The following ASTN1 variants were observed in gnomAD, a reference collection of about 807,000 sequenced individuals.
ASTN1 encodes the protein astrotactin-1.
A neutral mutation model predicts 140.7 loss-of-function variants in ASTN1; 41 were observed. That is an observed-to-expected ratio of 0.29 (90% CI 0.23 to 0.38). The LOEUF (loss-of-function observed/expected upper bound fraction) is 0.38. Ranked by LOEUF, ASTN1 falls within the 10% of genes least tolerant of loss-of-function variation. The pLI, the probability that ASTN1 is intolerant of heterozygous loss-of-function variation, is 1.00. For synonymous variants in ASTN1, 640 were observed against 652.2 expected (o/e 0.98, Z 0.29); for missense variants, 1,479 against 1,678.8 (o/e 0.88, Z 2.08).
Position 176,862,021 on chromosome 1 carries a change from C to T in ASTN1, c.*2263G>A. On this transcript the variant is annotated 3_prime_UTR_variant, in exon 23 of 23. Coordinates refer to ENST00000361833, the MANE Select transcript of ASTN1 (RefSeq NM_004319.3). ...ACCCTCCTTTCACTCAAGCTTAAAACACCGTGTTCTGCACAGATATGAATA... is the reference window on the plus strand; with the variant it reads ...ACCCTCCTTTCACTCAAGCTTAAAATACCGTGTTCTGCACAGATATGAATA... 1.0e-6 allele frequency: 1 copy of T among 985,478 alleles called. No individual in the cohort carries two copies. The highest frequency in any genetic ancestry group is 1.2e-6 in the Non-Finnish European group (1 of 829,986). 61.0% of individuals were successfully genotyped at this position (985,478 alleles called of 1,614,324 possible).
At chr1:176,939,367 C>G (rs968872360) in intron 14 of ASTN1, among the ~76,000 whole-genome samples, 3 of 152,130 alleles carry the variant, frequency 2.0e-5, no homozygotes, top group African/African-American at 7.2e-5. Context: ...TAACAGTGTT[C>G]CATATCCATC....
intron 8 of ASTN1, among the ~76,000 whole-genome samples, chr1:177,001,978 TGGTCTGGACA>T (rs1393680524): frequency 6.6e-6 from 1 of 152,220 alleles, no homozygotes; most frequent in Non-Finnish European, 1.5e-5. Flanking sequence ...CTTAGAACTG[TGGTCTGGACA>T]GCCCCATGAG....
chr1:177,065,066 A>T (rs2102041547), intron 1 of ASTN1, among the ~76,000 whole-genome samples: 1 of 152,316 alleles, frequency 6.6e-6, no homozygotes, highest in Middle Eastern at 3.4e-3. Flanking sequence ...CAAATTTGGG[A>T]GGTGATAGTT....
At chr1:177,106,214 A>G (rs754704184) in intron 1 of ASTN1, among the ~76,000 whole-genome samples, 1 of 152,206 alleles carries the variant, frequency 6.6e-6, no homozygotes, top group East Asian at 1.9e-4. Context: ...CTCTGTAAAT[A>G]GTATTTTTAT....
intron 7 of ASTN1, among the ~76,000 whole-genome samples, chr1:177,022,951 A>G (rs1675901284): frequency 6.6e-6 from 1 of 152,326 alleles, no homozygotes; most frequent in East Asian, 1.9e-4. Context: ...AATCATGCAT[A>G]GTAAAGAGAC....
chr1:176,873,289 C>A (rs1224951339), intron 21 of ASTN1, among the ~76,000 whole-genome samples: 2 of 152,158 alleles, frequency 1.3e-5, no homozygotes, highest in East Asian at 3.8e-4. Context: ...AAGGCCATGG[C>A]CTGACCTAGA....
chr1:176,974,935 C>T (rs966288566), intron 8 of ASTN1, among the ~76,000 whole-genome samples: 4 of 152,190 alleles, frequency 2.6e-5, no homozygotes, highest in African/African-American at 9.6e-5. Flanking sequence ...GGGGCACTGT[C>T]ATAGGCCCCA....
chr1:177,025,295 G>A (rs1043053227), intron 5 of ASTN1, among the ~76,000 whole-genome samples: 1 of 152,170 alleles, frequency 6.6e-6, no homozygotes, highest in African/African-American at 2.4e-5. Context: ...TGTATGAGCA[G>A]ACAACATTGT....
intron 1 of ASTN1, among the ~76,000 whole-genome samples, chr1:177,104,592 T>C (rs1183612573): frequency 1.3e-5 from 2 of 152,228 alleles, no homozygotes; most frequent in African/African-American, 4.8e-5. Flanking sequence ...CATCAATAAA[T>C]AATTTCAATA....
intron 2 of ASTN1, among the ~76,000 whole-genome samples, chr1:177,042,823 T>C (rs1677040997): frequency 6.6e-6 from 1 of 152,218 alleles, no homozygotes; most frequent in Non-Finnish European, 1.5e-5. Context: ...TGGGCTCTAA[T>C]CACTCAACTT....
chr1:176,997,256 T>C (rs1558019656), intron 8 of ASTN1, among the ~76,000 whole-genome samples: 1 of 152,176 alleles, frequency 6.6e-6, no homozygotes, highest in African/African-American at 2.4e-5. Flanking sequence ...TGATCCCTAG[T>C]TCACAGGGGA....
intron 2 of ASTN1, among the ~76,000 whole-genome samples, chr1:177,055,292 TGA>T (rs1305676684): frequency 1.3e-5 from 2 of 152,192 alleles, no homozygotes; most frequent in African/African-American, 4.8e-5. Context: ...ACCCAAATGG[TGA>T]ATGAATTCAT....
chr1:176,957,758 C>T lies in ASTN1; in HGVS notation c.1807G>A (p.Asp603Asn), dbSNP rs775782427. 7 of 1,614,092 alleles carry T rather than the reference C, an allele frequency of 4.3e-6. No individual in the cohort carries two copies. Among genetic ancestry groups the T allele is most frequent in the African/African-American group, 2.7e-5 (2 of 75,038 alleles). ...CAGCCCCCGTTATCTTTGCTGCAGT[C>T]GCGCACCGGCCCAAAGGAATCTAAG... ...VLLDSFGPVR[D>N]CSKDNGGCSK... The change falls in exon 11 of 23, where the codon GAC (aspartate) becomes AAC (asparagine). Residue 603 changes from aspartate to asparagine, a missense_variant. Transcript: ENST00000361833.
intron 1 of ASTN1, among the ~76,000 whole-genome samples, chr1:177,090,011 C>A (rs1679667763): frequency 6.6e-6 from 1 of 152,042 alleles, no homozygotes; most frequent in Admixed American, 6.6e-5. Flanking sequence ...ATGTAAAACA[C>A]ACACACAACA....
chr1:177,056,329 A>G (rs1677801535), intron 2 of ASTN1, among the ~76,000 whole-genome samples: 1 of 152,100 alleles, frequency 6.6e-6, no homozygotes, highest in Non-Finnish European at 1.5e-5. Context: ...TTCTCCCAGG[A>G]GTGAACTCTG....
intron 8 of ASTN1, among the ~76,000 whole-genome samples, chr1:176,982,242 C>G (rs915580087): frequency 6.6e-6 from 1 of 152,130 alleles, no homozygotes; most frequent in Non-Finnish European, 1.5e-5. Flanking sequence ...AGGGGGAAGA[C>G]AGAGAATCAG....
At chr1:176,942,606 C>G (rs917754110) in intron 14 of ASTN1, among the ~76,000 whole-genome samples, 3 of 151,554 alleles carry the variant, frequency 2.0e-5, no homozygotes, top group African/African-American at 7.3e-5. Context: ...GCAAACCTGC[C>G]TCCCATTCTA....
intron 1 of ASTN1, among the ~76,000 whole-genome samples, chr1:177,124,641 G>GA (rs1273069002): frequency 6.6e-6 from 1 of 152,070 alleles, no homozygotes; most frequent in Non-Finnish European, 1.5e-5. Flanking sequence ...GAGGAACAAA[G>GA]AAAAAACACA....
intron 8 of ASTN1, among the ~76,000 whole-genome samples, chr1:177,003,117 A>C (rs1366105238): frequency 6.6e-6 from 1 of 152,160 alleles, no homozygotes; most frequent in Non-Finnish European, 1.5e-5. Context: ...AGAAGGCGAG[A>C]ATCCTCTCTA....
Sources: gnomAD v4.1 joint callset for allele counts (sites outside exome capture counted in the v4.1 genomes callset) on GRCh38, gnomAD v4.1.1 for gene constraint, MANE v1.5 for transcripts, NCBI Gene and HGNC (gene_info 2026-07-23, HGNC 2026-07-21) for gene names.